Variants in PTGES3 observed in about 807,000 individuals in gnomAD.
PTGES3 encodes prostaglandin E synthase 3, also known as Hsp90 co-chaperone.
PTGES3 carries 5 observed loss-of-function variants against 29.9 expected under a neutral mutation model. That is an observed-to-expected ratio of 0.17 (90% confidence interval 0.09 to 0.35). The LOEUF is 0.35. Ranked by LOEUF, PTGES3 falls within the 10% of genes least tolerant of loss-of-function variation. The pLI, the probability that PTGES3 is intolerant of heterozygous loss-of-function variation, is 1.00. For missense variants in PTGES3, 128 were observed against 190.0 expected (o/e 0.67, Z 1.92); for synonymous variants, 49 against 57.8 (o/e 0.85, Z 0.69).
Position 56,686,427 on chromosome 12 carries a change from G to A in PTGES3, c.2+1571C>T, listed in dbSNP as rs1049469053. 3.3e-4 allele frequency among the ~76,000 whole-genome samples: 50 copies of A among 152,184 alleles called. 1 individual carries two copies. The highest frequency in any genetic ancestry group is 1.1e-3 in the African/African-American group (45 of 41,522). On this transcript the variant is annotated intron_variant, in intron 1 of 7. Coordinates refer to ENST00000262033, the MANE Select transcript of PTGES3 (RefSeq NM_006601.7). ...TCACTCTTGTTGCCCAGGCTGGAGTGCAATGGCATGATCTCGGCTCACCGC... is the reference window on the plus strand; with the variant it reads ...TCACTCTTGTTGCCCAGGCTGGAGTACAATGGCATGATCTCGGCTCACCGC...
chr12:56,676,346 AAAGT>A (rs1333583155), intron 1 of PTGES3, among the ~76,000 whole-genome samples: 11 of 151,954 alleles, frequency 7.2e-5, no homozygotes, highest in Non-Finnish European at 2.9e-5. Context: ...CTTTTATTGC[AAAGT>A]AACTAACCAT....
intron 1 of PTGES3, chr12:56,686,890 C>T: frequency 2.5e-6 from 1 of 397,366 alleles, no homozygotes; most frequent in Non-Finnish European, 4.4e-6. Flanking sequence ...CATAAAGTCA[C>T]TCCCCTCTTC....
intron 1 of PTGES3, among the ~76,000 whole-genome samples, chr12:56,685,399 CTTTTTT>C (rs143526249): frequency 0.01 from 1,369 of 131,130 alleles, 19 homozygotes; most frequent in Middle Eastern, 0.023. Context: ...TTTTTCTTTT[CTTTTTT>C]TTTTTTTTTT....
rs565676064 is a variant in PTGES3, at chr12:56,686,696, C to T, written c.2+1302G>A. Among the ~76,000 whole-genome samples, 158 of 152,178 alleles carry T rather than the reference C, an allele frequency of 1.0e-3. 1 individual carries two copies. The highest frequency in any genetic ancestry group is 3.7e-3 in the African/African-American group (155 of 41,538). On this transcript the variant is annotated intron_variant, in intron 1 of 7. Coordinates refer to ENST00000262033, the MANE Select transcript of PTGES3 (RefSeq NM_006601.7). The stretch of plus-strand genomic sequence containing the variant: ...CCAGCCTAATTCAAATTTTTTAAAA[C>T]CCCGATTACGTATCACTTTCGGGGA...
At chr12:56,672,207 G>A (rs941065513) in intron 3 of PTGES3, among the ~76,000 whole-genome samples, 2 of 152,074 alleles carry the variant, frequency 1.3e-5, no homozygotes, top group Non-Finnish European at 2.9e-5. Flanking sequence ...TCTATTCTTA[G>A]ATAAGGGAAG....
chr12:56,666,683 G>A (rs2137583373), intron 5 of PTGES3, among the ~76,000 whole-genome samples: 1 of 152,012 alleles, frequency 6.6e-6, no homozygotes, highest in East Asian at 1.9e-4. Flanking sequence ...GCTGGAGTAT[G>A]GTGGCGTGAT....
At chr12:56,681,550 A>AAG (rs1952544102) in intron 1 of PTGES3, among the ~76,000 whole-genome samples, 1 of 136,874 alleles carries the variant, frequency 7.3e-6, no homozygotes, top group African/African-American at 2.7e-5. Context: ...AAAAAAAAAA[A>AAG]AAAAAAAAAA....
intron 1 of PTGES3, among the ~76,000 whole-genome samples, chr12:56,674,520 T>A (rs531547998): frequency 1.3e-5 from 2 of 151,148 alleles, no homozygotes; most frequent in South Asian, 4.2e-4. Flanking sequence ...GAGAAACTCG[T>A]CTCTGCTAAA....
chr12:56,683,604 C>T (rs1952667841), intron 1 of PTGES3, among the ~76,000 whole-genome samples: 1 of 151,530 alleles, frequency 6.6e-6, no homozygotes, highest in South Asian at 2.1e-4. Context: ...GAGCCGAGAT[C>T]GCACCAGTTC....
chr12:56,668,730 T>TTA (rs1202011065), intron 5 of PTGES3, among the ~76,000 whole-genome samples: 2 of 152,220 alleles, frequency 1.3e-5, no homozygotes, highest in Non-Finnish European at 2.9e-5. Context: ...TTAGCTCCTT[T>TTA]TATTTAACTC....
chr12:56,672,402 G>A (rs1230806136), intron 3 of PTGES3, among the ~76,000 whole-genome samples: 2 of 152,260 alleles, frequency 1.3e-5, no homozygotes, highest in East Asian at 3.9e-4. Flanking sequence ...GCTGAGGCAG[G>A]AGAATCCCTG....
chr12:56,670,785 G>A (rs1951971602), intron 4 of PTGES3: 1 of 175,736 alleles, frequency 5.7e-6, no homozygotes, highest in Non-Finnish European at 1.2e-5. Context: ...GTATTTTTAG[G>A]AGGGCATGTA....
At chr12:56,685,753 C>G (rs1385181108) in intron 1 of PTGES3, among the ~76,000 whole-genome samples, 1 of 143,366 alleles carries the variant, frequency 7.0e-6, no homozygotes, top group South Asian at 2.2e-4. Context: ...GGAATAGTCT[C>G]TCTACTGCTA....
chr12:56,683,134 G>A (rs986450821), intron 1 of PTGES3, among the ~76,000 whole-genome samples: 3 of 151,886 alleles, frequency 2.0e-5, no homozygotes, highest in Non-Finnish European at 4.4e-5. Context: ...TGGATCATGA[G>A]GTCAGGAGTT....
intron 1 of PTGES3, chr12:56,687,595 C>G: frequency 9.3e-7 from 1 of 1,072,332 alleles, no homozygotes. Flanking sequence ...GGCCTGGCCC[C>G]GGGACCACAA....
At chr12:56,686,946 C>A in intron 1 of PTGES3, 1 of 319,812 alleles carries the variant, frequency 3.1e-6, no homozygotes, top group Non-Finnish European at 5.6e-6. Context: ...AAGGTTCCAC[C>A]TTAATTGTTC....
chr12:56,672,321 T>C (rs754772797), intron 3 of PTGES3, among the ~76,000 whole-genome samples: 114 of 152,030 alleles, frequency 7.5e-4, no homozygotes, highest in Non-Finnish European at 1.4e-3. Context: ...CTGACCAACA[T>C]GGTCTTTACT....
chr12:56,687,598 G>A (rs1952939316), intron 1 of PTGES3: 11 of 1,076,286 alleles, frequency 1.0e-5, no homozygotes, highest in Non-Finnish European at 1.2e-5. Flanking sequence ...CTGGCCCCGG[G>A]ACCACAAAGC....
At chr12:56,665,456 G>A (rs1195031359) in intron 6 of PTGES3, 29 of 916,124 alleles carry the variant, frequency 3.2e-5, no homozygotes, top group Non-Finnish European at 3.4e-5. Flanking sequence ...CACCATGCCC[G>A]GCTAATTTTT....
Sources: gnomAD v4.1 joint callset for allele counts (sites outside exome capture counted in the v4.1 genomes callset) on GRCh38, gnomAD v4.1.1 for gene constraint, MANE v1.5 for transcripts, NCBI Gene and HGNC (gene_info 2026-07-23, HGNC 2026-07-21) for gene names.